Variants in MAD1L1 observed in about 807,000 individuals in gnomAD.
MAD1L1 encodes the protein mitotic spindle assembly checkpoint protein MAD1.
MAD1L1 carries 95 observed loss-of-function variants against 96.9 expected under a neutral mutation model. That is an observed-to-expected ratio of 0.98 (90% CI 0.83 to 1.16). The LOEUF (loss-of-function observed/expected upper bound fraction) is 1.16. MAD1L1 is among the 50% of genes most tolerant of loss of function. The pLI is 0.00. For synonymous variants in MAD1L1, 473 were observed against 396.6 expected, an observed-to-expected ratio of 1.19 and a Z score of -2.29; for missense variants, 1,007 against 954.4, an observed-to-expected ratio of 1.06 and a Z score of -0.73.
chr7:1,955,016 G>A (rs1032392975), intron 16 of MAD1L1, among the ~76,000 whole-genome samples: 2 of 152,226 alleles, frequency 1.3e-5, no homozygotes, highest in African/African-American at 2.4e-5. Flanking sequence ...AAGGCAGCAC[G>A]AAGACCTCCC....
At chr7:2,141,302 A>G (rs533235848) in intron 11 of MAD1L1, among the ~76,000 whole-genome samples, 1 of 152,180 alleles carries the variant, frequency 6.6e-6, no homozygotes, top group African/African-American at 2.4e-5. Flanking sequence ...CAGCCATGAC[A>G]CCCGACCATG....
At chr7:2,040,619 T>C (rs1001013601) in intron 12 of MAD1L1, among the ~76,000 whole-genome samples, 1 of 152,226 alleles carries the variant, frequency 6.6e-6, no homozygotes, top group African/African-American at 2.4e-5. Context: ...CAGCTGCTAT[T>C]TACCTAGTCC....
At chr7:1,916,246 T>A (rs573119264) in intron 17 of MAD1L1, among the ~76,000 whole-genome samples, 1 of 152,100 alleles carries the variant, frequency 6.6e-6, no homozygotes, top group Non-Finnish European at 1.5e-5. Context: ...CCCTAGAATG[T>A]GGAAATTCCC....
chr7:1,995,933 C>A (rs1157175728), intron 14 of MAD1L1, among the ~76,000 whole-genome samples: 2 of 152,184 alleles, frequency 1.3e-5, no homozygotes, highest in East Asian at 3.9e-4. Context: ...AGTTACCACA[C>A]CAGGAGGCTC....
intron 18 of MAD1L1, among the ~76,000 whole-genome samples, chr7:1,851,664 G>A (rs936205350): frequency 1.3e-5 from 2 of 152,158 alleles, no homozygotes; most frequent in Non-Finnish European, 2.9e-5. Context: ...CGAGGAAGAC[G>A]GCAGGAGGTC....
chr7:2,192,140 T>G (rs1274285991), intron 10 of MAD1L1, among the ~76,000 whole-genome samples: 2 of 151,916 alleles, frequency 1.3e-5, no homozygotes, highest in African/African-American at 4.8e-5. Context: ...TTTTTTTTGT[T>G]TTTTTTTGAG....
intron 11 of MAD1L1, among the ~76,000 whole-genome samples, chr7:2,141,473 G>T (rs1749662473): frequency 6.6e-6 from 1 of 152,184 alleles, no homozygotes; most frequent in African/African-American, 2.4e-5. Context: ...AGAGAACCCG[G>T]CATTGGCAGG....
intron 11 of MAD1L1, among the ~76,000 whole-genome samples, chr7:2,070,596 C>A (rs1785078126): frequency 6.6e-6 from 1 of 152,226 alleles, no homozygotes; most frequent in Admixed American, 6.5e-5. Flanking sequence ...CAGGCAGGCG[C>A]AGAGCGGAAC....
At chr7:1,936,504 G>A (rs1010261788) in intron 17 of MAD1L1, among the ~76,000 whole-genome samples, 183 bp downstream of exon 17, 2 of 152,186 alleles carry the variant, frequency 1.3e-5, no homozygotes, top group African/African-American at 2.4e-5. Flanking sequence ...AACCCCACGG[G>A]GCCATGGGGA....
At chr7:1,882,055 G>T (rs555139171) in intron 18 of MAD1L1, among the ~76,000 whole-genome samples, 3 of 152,118 alleles carry the variant, frequency 2.0e-5, no homozygotes, top group Non-Finnish European at 4.4e-5. Flanking sequence ...CCGCCTGCTT[G>T]AACCTGGCGG....
chr7:1,845,570 GCGC>G (rs1783567793), intron 18 of MAD1L1: 1 of 116,866 alleles, frequency 8.6e-6, no homozygotes, highest in South Asian at 3.4e-4. Context: ...ACGGGGAAGA[GCGC>G]TGTTTAGGAG....
chr7:2,047,007 C>G (rs975132988), intron 12 of MAD1L1, among the ~76,000 whole-genome samples: 1 of 152,208 alleles, frequency 6.6e-6, no homozygotes, highest in African/African-American at 2.4e-5. Flanking sequence ...TGGCCACCAG[C>G]GCGCACATCC....
chr7:2,037,126 T>G (rs538644333), intron 12 of MAD1L1, among the ~76,000 whole-genome samples: 1 of 151,900 alleles, frequency 6.6e-6, no homozygotes, highest in South Asian at 2.1e-4. Context: ...CAGGCCCAGG[T>G]ACACATCAGA....
chr7:1,872,067 A>G (rs1181211350), intron 18 of MAD1L1, among the ~76,000 whole-genome samples: 1 of 152,062 alleles, frequency 6.6e-6, no homozygotes, highest in African/African-American at 2.4e-5. Flanking sequence ...ACAGGCCCAA[A>G]CAGCCCAGTC....
intron 10 of MAD1L1, among the ~76,000 whole-genome samples, chr7:2,149,592 T>G (rs919449374): frequency 6.6e-6 from 1 of 152,096 alleles, no homozygotes; most frequent in Non-Finnish European, 1.5e-5. Context: ...GAGTTTTAAG[T>G]TCCTTTCCTC....
intron 18 of MAD1L1, among the ~76,000 whole-genome samples, chr7:1,858,200 G>C (rs920873590): frequency 6.6e-6 from 1 of 152,228 alleles, no homozygotes; most frequent in Non-Finnish European, 1.5e-5. Context: ...CCCGTCGGTG[G>C]CAGTGTTGGG....
At chr7:2,098,373 C>T (rs73034451) in intron 11 of MAD1L1, among the ~76,000 whole-genome samples, 4,114 of 152,314 alleles carry the variant, frequency 0.027, 97 homozygotes, top group South Asian at 0.089. Context: ...CAGACAGGAA[C>T]AAGAGACCTC....
At chr7:2,157,499 C>T (rs1008415196) in intron 10 of MAD1L1, among the ~76,000 whole-genome samples, 9 of 152,160 alleles carry the variant, frequency 5.9e-5, no homozygotes, top group Admixed American at 5.2e-4. Flanking sequence ...GTGGGAGAGC[C>T]GGTCCCCTAC....
chr7:2,188,611 G>T (rs1791570263), intron 10 of MAD1L1, among the ~76,000 whole-genome samples: 1 of 152,158 alleles, frequency 6.6e-6, no homozygotes, highest in South Asian at 2.1e-4. Context: ...TTCAACACAT[G>T]GTGCTGGAAA....
Sources: allele counts gnomAD v4.1 joint callset (sites outside exome capture counted in the v4.1 genomes callset), GRCh38; gene constraint gnomAD v4.1.1; transcripts MANE v1.5; gene names NCBI Gene and HGNC (gene_info 2026-07-23, HGNC 2026-07-21).